Variants in RAPGEF5 observed in about 807,000 individuals in gnomAD.
The protein encoded by RAPGEF5 is M-Ras-regulated GEF.
A neutral mutation model predicts 125.2 loss-of-function variants in RAPGEF5; 65 were observed. That is an observed-to-expected ratio of 0.52 (90% CI 0.43 to 0.64). The LOEUF (loss-of-function observed/expected upper bound fraction) is 0.64. Among genes scored for constraint, RAPGEF5 ranks in the 30% least tolerant of loss-of-function variants. The probability of loss-of-function intolerance (pLI) is 0.00; values close to 1 mark genes in which losing one functional copy is unlikely to be tolerated. For missense variants in RAPGEF5, 958 were observed against 1,048.1 expected, an observed-to-expected ratio of 0.91 and a Z score of 1.19; for synonymous variants, 391 against 385.9, an observed-to-expected ratio of 1.01 and a Z score of -0.16.
At chr7:22,354,007 C>T (rs1784377606) in intron 1 of RAPGEF5, among the ~76,000 whole-genome samples, 1 of 152,020 alleles carries the variant, frequency 6.6e-6, no homozygotes, top group Non-Finnish European at 1.5e-5. Flanking sequence ...AAGGTCGAGG[C>T]TATAGTGAGC....
chr7:22,135,046 G>C (rs189500121), intron 23 of RAPGEF5, among the ~76,000 whole-genome samples: 380 of 152,302 alleles, frequency 2.5e-3, no homozygotes, highest in African/African-American at 8.5e-3. Context: ...GGCTGTTCTT[G>C]AGAGAAGCTG....
chr7:22,128,046 C>G (rs941116545), intron 24 of RAPGEF5, among the ~76,000 whole-genome samples: 2 of 152,130 alleles, frequency 1.3e-5, no homozygotes, highest in Non-Finnish European at 2.9e-5. Flanking sequence ...TCATTTTAAG[C>G]TCTGGCGTCA....
At chr7:22,335,113 T>C (rs73683351) in intron 1 of RAPGEF5, among the ~76,000 whole-genome samples, 24,190 of 152,250 alleles carry the variant, frequency 0.16, 2,126 homozygotes, top group Non-Finnish European at 0.2. Context: ...GAAGAGGCAA[T>C]GGGTGGGGAT....
intron 7 of RAPGEF5, among the ~76,000 whole-genome samples, chr7:22,240,613 T>A (rs1786306828): frequency 6.6e-6 from 1 of 152,136 alleles, no homozygotes; most frequent in Non-Finnish European, 1.5e-5. Flanking sequence ...CCTCAAGTGA[T>A]CCGCCTGCCT....
chr7:22,182,109 C>A (rs1784691736), intron 11 of RAPGEF5, among the ~76,000 whole-genome samples: 1 of 152,148 alleles, frequency 6.6e-6, no homozygotes, highest in South Asian at 2.1e-4. Context: ...CACACTCTTA[C>A]ACAAAAAAAC....
intron 11 of RAPGEF5, among the ~76,000 whole-genome samples, chr7:22,169,782 C>T (rs1178116664): frequency 3.7e-5 from 5 of 133,742 alleles, no homozygotes; most frequent in African/African-American, 1.4e-4. Flanking sequence ...ATGGCTTGAA[C>T]TCAGGCGGTG....
intron 7 of RAPGEF5, among the ~76,000 whole-genome samples, chr7:22,240,934 T>G (rs1786315605): frequency 6.6e-6 from 1 of 152,214 alleles, no homozygotes; most frequent in Non-Finnish European, 1.5e-5. Flanking sequence ...AAGCTCTGTG[T>G]GCTTTAGGCC....
At chr7:22,318,138 GA>G (rs34008002) in intron 1 of RAPGEF5, 101 bp from the exon 2 acceptor site, 119,124 of 682,276 alleles carry the variant, frequency 0.17, 9 homozygotes, top group Middle Eastern at 0.2. Context: ...CCTCTGCTAT[GA>G]AAAAAAAAAA....
At chr7:22,163,291 C>G (rs1203185166) in intron 12 of RAPGEF5, among the ~76,000 whole-genome samples, 42 of 152,104 alleles carry the variant, frequency 2.8e-4, no homozygotes. Context: ...AATGCCTCAG[C>G]AACTGAGAAC....
chr7:22,230,891 G>A lies in RAPGEF5; in HGVS notation c.825C>T (p.Asp275=). The stretch of plus-strand genomic sequence containing the variant: ...CGGCTTCTGTTACAGCTACATGTTT[G>A]TCGTTGTTTTCTTCATCTTGTTCAA... ...SAIEQDEENN[D]KHVAVTEAES... Residue 275 remains aspartate, a synonymous_variant, in exon 8 of 26, where the codon GAC becomes GAT. Coordinates refer to ENST00000665637, the MANE Select transcript of RAPGEF5 (RefSeq NM_012294.5). 1 of 1,564,684 alleles carries A rather than the reference G, an allele frequency of 6.4e-7. No individual in the cohort carries two copies. Among genetic ancestry groups the A allele is most frequent in the East Asian group, 2.3e-5 (1 of 42,906 alleles).
chr7:22,206,194 C>T (rs1391235181), intron 9 of RAPGEF5, among the ~76,000 whole-genome samples: 2 of 152,122 alleles, frequency 1.3e-5, no homozygotes, highest in Non-Finnish European at 2.9e-5. Flanking sequence ...GATGAGAAGA[C>T]TGAAGCTCAG....
chr7:22,354,421 A>G (rs1387830802), intron 1 of RAPGEF5, among the ~76,000 whole-genome samples: 1 of 152,212 alleles, frequency 6.6e-6, no homozygotes, highest in Non-Finnish European at 1.5e-5. Flanking sequence ...ATTTGTTTGC[A>G]TTAGCATCAC....
chr7:22,139,133 C>G (rs1402239127), intron 21 of RAPGEF5, among the ~76,000 whole-genome samples: 1 of 152,100 alleles, frequency 6.6e-6, no homozygotes, highest in Non-Finnish European at 1.5e-5. Context: ...GATAGCTGGC[C>G]TATCAGCTTT....
intron 2 of RAPGEF5, among the ~76,000 whole-genome samples, chr7:22,316,358 GATA>G (rs1783589751): frequency 9.1e-6 from 1 of 109,434 alleles, no homozygotes; most frequent in Non-Finnish European, 1.9e-5. Context: ...TATATAGATA[GATA>G]GATAGATAGA....
At chr7:22,250,142 T>C (rs577716298) in intron 7 of RAPGEF5, among the ~76,000 whole-genome samples, 1 of 152,354 alleles carries the variant, frequency 6.6e-6, no homozygotes, top group African/African-American at 2.4e-5. Context: ...GTACATGCCT[T>C]CATTGTACGT....
chr7:22,264,232 A>G (rs867601266), intron 7 of RAPGEF5, among the ~76,000 whole-genome samples: 9 of 152,118 alleles, frequency 5.9e-5, no homozygotes, highest in African/African-American at 2.2e-4. Context: ...AGTCATATAA[A>G]CCTATTGGAT....
intron 7 of RAPGEF5, among the ~76,000 whole-genome samples, chr7:22,234,994 ATGAC>A (rs1786152340): frequency 6.6e-6 from 1 of 152,194 alleles, no homozygotes; most frequent in African/African-American, 2.4e-5. Flanking sequence ...TAAACACACA[ATGAC>A]TGTCGTGTGC....
chr7:22,258,909 T>C (rs1353097001), intron 7 of RAPGEF5, among the ~76,000 whole-genome samples: 1 of 152,104 alleles, frequency 6.6e-6, no homozygotes, highest in African/African-American at 2.4e-5. Flanking sequence ...ATTATAAAAC[T>C]CCTAGACTAT....
intron 7 of RAPGEF5, among the ~76,000 whole-genome samples, chr7:22,256,689 A>G (rs1467418203): frequency 6.6e-6 from 1 of 152,192 alleles, no homozygotes; most frequent in African/African-American, 2.4e-5. Context: ...GAAGCCCACC[A>G]TGGCACAAAT....
Sources: gnomAD v4.1 joint callset for allele counts (sites outside exome capture counted in the v4.1 genomes callset) on GRCh38, gnomAD v4.1.1 for gene constraint, MANE v1.5 for transcripts, NCBI Gene and HGNC (gene_info 2026-07-23, HGNC 2026-07-21) for gene names.